Variants in PKHD1L1 observed in about 807,000 individuals in gnomAD.
PKHD1L1 encodes fibrocystin-L.
In PKHD1L1, 434 loss-of-function variants were observed where a neutral mutation model predicts 462.9. The observed-to-expected ratio is 0.94, with a 90% CI of 0.87 to 1.02. PKHD1L1 has a LOEUF of 1.02. Ranked by LOEUF, PKHD1L1 falls within the 50% of genes least tolerant of loss-of-function variation. The pLI is 0.00. For missense variants in PKHD1L1, 5,202 were observed against 5,096.1 expected, an observed-to-expected ratio of 1.02 and a Z score of -0.63; for synonymous variants, 1,781 against 1,750.0, an observed-to-expected ratio of 1.02 and a Z score of -0.44.
Position 109,459,697 on chromosome 8 carries a change from T to C in PKHD1L1, c.7107T>C (p.Ile2369=), listed in dbSNP as rs1254379413. 2.5e-6 allele frequency: 4 copies of C among 1,611,902 alleles called. No homozygotes were observed. The South Asian group carries it at 3.3e-5, about 13-fold the overall frequency. Residue 2369 remains isoleucine (I), a synonymous_variant, in exon 47 of 78, where the codon ATT becomes ATC. Coordinates refer to ENST00000378402, the MANE Select transcript of PKHD1L1 (RefSeq NM_177531.6). ...SNPLNYTHLG[I]TVTLPDGTLF... Reference sequence around the variant, plus strand: ...CACTAAATTACACACACTTAGGAATTACGGTCACACTCCCTGATGGAACTC... The same window carrying C: ...CACTAAATTACACACACTTAGGAATCACGGTCACACTCCCTGATGGAACTC...
At chr8:109,482,144 A>G (rs967652160) in intron 56 of PKHD1L1, among the ~76,000 whole-genome samples, 3 of 151,798 alleles carry the variant, frequency 2.0e-5, no homozygotes, top group Non-Finnish European at 2.9e-5. Context: ...ACAATTAAGA[A>G]CTGCTTTTAT....
At chr8:109,491,830 T>G (rs371876080) in intron 61 of PKHD1L1, 43 bp from the exon 62 acceptor site, 15 of 1,510,940 alleles carry the variant, frequency 9.9e-6, no homozygotes, top group African/African-American at 1.4e-5. Context: ...AATTGACTTA[T>G]GTTTTTTGGG....
At chr8:109,432,034 T>C (rs1389164526) in intron 27 of PKHD1L1, among the ~76,000 whole-genome samples, 2 of 152,326 alleles carry the variant, frequency 1.3e-5, no homozygotes, top group East Asian at 3.9e-4. Context: ...TTAGAAATTT[T>C]TCTATTCCCT....
intron 52 of PKHD1L1, 83 bp from the exon 53 acceptor site, chr8:109,477,142 A>T (rs1407572620): frequency 7.2e-7 from 1 of 1,397,754 alleles, no homozygotes; most frequent in African/African-American, 1.4e-5. Flanking sequence ...CCTAAAGAAC[A>T]TTTTCCAAAA....
intron 2 of PKHD1L1, among the ~76,000 whole-genome samples, chr8:109,369,714 T>C (rs192562712): frequency 1.3e-5 from 2 of 152,192 alleles, no homozygotes; most frequent in Non-Finnish European, 2.9e-5. Flanking sequence ...GGAGCTCTTC[T>C]GTGTGTTCCA....
At chr8:109,417,577 T>C (rs927592284) in intron 21 of PKHD1L1, among the ~76,000 whole-genome samples, 2 of 152,176 alleles carry the variant, frequency 1.3e-5, no homozygotes, top group Non-Finnish European at 2.9e-5. Context: ...GGAGTCTCAC[T>C]CTGTTGCCAA....
At chr8:109,381,560 A>G in intron 3 of PKHD1L1, 46 bp downstream of exon 3, 1 of 1,377,596 alleles carries the variant, frequency 7.3e-7, no homozygotes, top group Non-Finnish European at 9.9e-7. Flanking sequence ...ATCATATCAG[A>G]AGTTACAGTT....
intron 50 of PKHD1L1, 84 bp downstream of exon 50, chr8:109,466,853 G>A (rs1271545746): frequency 6.2e-6 from 8 of 1,294,930 alleles, no homozygotes; most frequent in Non-Finnish European, 8.5e-6. Flanking sequence ...TTGTTACTTG[G>A]TTGTTCAAAC....
intron 6 of PKHD1L1, among the ~76,000 whole-genome samples, chr8:109,386,522 A>C (rs1812451948): frequency 6.6e-6 from 1 of 152,180 alleles, no homozygotes; most frequent in African/African-American, 2.4e-5. Context: ...AGCAATTTAA[A>C]AGGTTTTAAT....
intron 13 of PKHD1L1, 142 bp downstream of exon 13, chr8:109,400,486 C>T: frequency 4.0e-6 from 4 of 997,502 alleles, no homozygotes. Context: ...TGGCTATTAT[C>T]CTGGATATGA....
chr8:109,463,382 A>T (rs1053863686), intron 48 of PKHD1L1, among the ~76,000 whole-genome samples: 11 of 152,112 alleles, frequency 7.2e-5, no homozygotes, highest in African/African-American at 2.6e-4. Flanking sequence ...CATTTTGTAA[A>T]CTTCCCTCCT....
At chr8:109,432,486 A>G (rs1246564343) in intron 27 of PKHD1L1, among the ~76,000 whole-genome samples, 1 of 152,168 alleles carries the variant, frequency 6.6e-6, no homozygotes, top group African/African-American at 2.4e-5. Context: ...TCATATATAT[A>G]TGATTTGTTA....
intron 51 of PKHD1L1, among the ~76,000 whole-genome samples, chr8:109,476,037 C>T (rs1817971665): frequency 6.6e-6 from 1 of 152,028 alleles, no homozygotes. Flanking sequence ...TGTTTTCCAT[C>T]TTATACATGT....
In PKHD1L1 at chr8:109,491,746, T is replaced by C. The variant is rs181150371; in HGVS notation, c.10115-127T>C. The C allele has an allele frequency of 2.5e-4, 219 of 888,428 alleles. 1 individual carries two copies. Among genetic ancestry groups the C allele is most frequent in the Admixed American group, 4.5e-4 (15 of 32,992 alleles). The allele number at this position is 888,428 out of a possible 1,614,324, so 55.0% of individuals were successfully genotyped here. On this transcript the variant is annotated intron_variant, in intron 61 of 77. Transcript: ENST00000378402. The stretch of plus-strand genomic sequence containing the variant: ...AGACTCCTTCGAAACTCTAAGAGGA[T>C]TGTTTGTCAGGCTCAAAGTAGAAAA...
intron 67 of PKHD1L1, chr8:109,499,144 C>G: frequency 5.6e-6 from 1 of 178,336 alleles, no homozygotes; most frequent in Non-Finnish European, 1.2e-5. Context: ...GGCCAAATTC[C>G]CACAGCTATT....
chr8:109,481,624 G>T, intron 56 of PKHD1L1, 62 bp downstream of exon 56: 1 of 1,398,718 alleles, frequency 7.1e-7, no homozygotes, highest in South Asian at 1.7e-5. Context: ...TAAAATATAT[G>T]GCACTAAAGT....
intron 68 of PKHD1L1, among the ~76,000 whole-genome samples, chr8:109,507,179 T>C (rs1161310299): frequency 6.6e-6 from 1 of 152,154 alleles, no homozygotes; most frequent in Non-Finnish European, 1.5e-5. Context: ...GGATTGAGCT[T>C]TTAATAAATC....
intron 59 of PKHD1L1, among the ~76,000 whole-genome samples, chr8:109,488,114 A>G (rs1359853409): frequency 1.3e-5 from 2 of 151,970 alleles, no homozygotes; most frequent in African/African-American, 4.8e-5. Flanking sequence ...CATTTATAAT[A>G]AAGAAAATCT....
Position 109,479,992 on chromosome 8 carries a change from A to T in PKHD1L1, c.9180A>T (p.Gly3060=). 1.3e-6 allele frequency: 2 copies of T among 1,570,440 alleles called. No individual in the cohort carries two copies. Among genetic ancestry groups the T allele is most frequent in the Non-Finnish European group, 1.7e-6 (2 of 1,164,472 alleles). ...HPGANVIIPE[G]TWIVADIDMP... ...ATTTCTTAAAGTATTGTTTTATAGGAACATGGATTGTAGCTGACATAGATA... is the reference window on the plus strand; with the variant it reads ...ATTTCTTAAAGTATTGTTTTATAGGTACATGGATTGTAGCTGACATAGATA... Residue 3060 remains glycine, a splice_region_variant and synonymous_variant, in exon 55 of 78, where the codon GGA becomes GGT. Coordinates refer to ENST00000378402, the MANE Select transcript of PKHD1L1 (RefSeq NM_177531.6).
Sources: gnomAD v4.1 joint callset for allele counts (sites outside exome capture counted in the v4.1 genomes callset) on GRCh38, gnomAD v4.1.1 for gene constraint, MANE v1.5 for transcripts, NCBI Gene and HGNC (gene_info 2026-07-23, HGNC 2026-07-21) for gene names.